Variants in RBMS3 observed in about 807,000 individuals in gnomAD.
RBMS3 encodes RNA-binding motif, single-stranded-interacting protein 3.
In RBMS3, 27 loss-of-function variants were observed where a neutral mutation model predicts 66.8. The ratio of observed to expected loss-of-function variants is 0.40; its 90% CI spans 0.30 to 0.56. RBMS3 has a LOEUF of 0.56. Ranked by LOEUF, RBMS3 falls within the 20% of genes least tolerant of loss-of-function variation. The pLI is 0.40. For synonymous variants in RBMS3, 188 were observed against 183.0 expected (o/e 1.03, Z -0.22); for missense variants, 513 against 549.5 (o/e 0.93, Z 0.66).
chr3:29,427,354 G>A (rs1332049133), intron 1 of RBMS3, among the ~76,000 whole-genome samples: 2 of 152,160 alleles, frequency 1.3e-5, no homozygotes, highest in Non-Finnish European at 2.9e-5. Flanking sequence ...AGCTGCATTT[G>A]TTATTACTTG....
At chr3:29,647,605 T>C (rs1010267503) in intron 4 of RBMS3, among the ~76,000 whole-genome samples, 2 of 152,128 alleles carry the variant, frequency 1.3e-5, no homozygotes, top group Non-Finnish European at 2.9e-5. Context: ...TCTTAAGGCT[T>C]AGGATTTTCA....
At chr3:29,864,586 C>T (rs76965508) in intron 6 of RBMS3, among the ~76,000 whole-genome samples, 2,939 of 152,176 alleles carry the variant, frequency 0.019, 84 homozygotes, top group African/African-American at 0.068. Context: ...AAAGCTTAAA[C>T]GTTCCAAACT....
intron 6 of RBMS3, among the ~76,000 whole-genome samples, chr3:29,818,755 T>C (rs1279575990): frequency 6.6e-6 from 1 of 152,128 alleles, no homozygotes; most frequent in Non-Finnish European, 1.5e-5. Flanking sequence ...CAGTATGCCT[T>C]TTATTTACTT....
intron 1 of RBMS3, among the ~76,000 whole-genome samples, chr3:29,304,380 G>C (rs1441419801): frequency 6.6e-6 from 1 of 152,014 alleles, no homozygotes; most frequent in South Asian, 2.1e-4. Context: ...AAAACTCTGA[G>C]CAAAGATAGA....
intron 5 of RBMS3, among the ~76,000 whole-genome samples, chr3:29,757,149 T>A (rs2055454518): frequency 6.6e-6 from 1 of 152,162 alleles, no homozygotes; most frequent in African/African-American, 2.4e-5. Flanking sequence ...GCTACCTGAG[T>A]GACCTCATTA....
chr3:29,838,596 T>G (rs967407832), intron 6 of RBMS3, among the ~76,000 whole-genome samples: 1 of 152,176 alleles, frequency 6.6e-6, no homozygotes, highest in Non-Finnish European at 1.5e-5. Context: ...TTTGATTTAT[T>G]TTATGCCATA....
chr3:29,898,031 G>A (rs1342560383), intron 9 of RBMS3, among the ~76,000 whole-genome samples: 1 of 151,558 alleles, frequency 6.6e-6, no homozygotes, highest in Non-Finnish European at 1.5e-5. Context: ...GACCTCAGGG[G>A]TTCCGCATGT....
At chr3:29,475,714 A>T (rs1357259241) in intron 2 of RBMS3, among the ~76,000 whole-genome samples, 1 of 152,174 alleles carries the variant, frequency 6.6e-6, no homozygotes, top group African/African-American at 2.4e-5. Context: ...GGATTATGGG[A>T]TGTGATAGGT....
intron 3 of RBMS3, among the ~76,000 whole-genome samples, chr3:29,540,534 GTTT>G (rs1299389469): frequency 6.6e-6 from 1 of 152,062 alleles, no homozygotes; most frequent in Non-Finnish European, 1.5e-5. Flanking sequence ...AACATATATT[GTTT>G]TTCTGATCTG....
At chr3:29,552,613 G>A (rs2046214320) in intron 3 of RBMS3, among the ~76,000 whole-genome samples, 1 of 152,002 alleles carries the variant, frequency 6.6e-6, no homozygotes, top group African/African-American at 2.4e-5. Flanking sequence ...TTATTCCGAT[G>A]GTTTCTCATT....
chr3:29,890,722 A>T (rs4524239), intron 8 of RBMS3, among the ~76,000 whole-genome samples: 51,768 of 151,388 alleles, frequency 0.34, 9,822 homozygotes, highest in African/African-American at 0.52. Context: ...GTACTATAAG[A>T]TATATGTATA....
At chr3:29,731,154 GGGC>G in intron 4 of RBMS3, 1 of 470,066 alleles carries the variant, frequency 2.1e-6, no homozygotes, top group Non-Finnish European at 2.8e-6. Flanking sequence ...GTTCAACACT[GGGC>G]ATTGTTTCAC....
intron 4 of RBMS3, among the ~76,000 whole-genome samples, chr3:29,675,133 C>G (rs2051186537): frequency 1.3e-5 from 2 of 152,138 alleles, no homozygotes; most frequent in African/African-American, 2.4e-5. Flanking sequence ...ACATCTACAA[C>G]CATCTGATCT....
chr3:29,924,310 G>C (rs1407595782), intron 10 of RBMS3, among the ~76,000 whole-genome samples: 1 of 152,146 alleles, frequency 6.6e-6, no homozygotes, highest in Non-Finnish European at 1.5e-5. Flanking sequence ...CTTTTGATTA[G>C]CAGAAGTCAC....
At chr3:29,304,010 C>G (rs902539162) in intron 1 of RBMS3, among the ~76,000 whole-genome samples, 3 of 151,876 alleles carry the variant, frequency 2.0e-5, no homozygotes, top group Admixed American at 2.0e-4. Context: ...GGGGAAACTG[C>G]CCCCATGATT....
At chr3:29,683,591 GAC>G (rs575989752) in intron 4 of RBMS3, among the ~76,000 whole-genome samples, 2 of 151,636 alleles carry the variant, frequency 1.3e-5, no homozygotes, top group African/African-American at 2.4e-5. Context: ...TAGGGACACA[GAC>G]ACACACACAC....
At chr3:29,812,708 C>A (rs1004951163) in intron 6 of RBMS3, among the ~76,000 whole-genome samples, 2 of 152,034 alleles carry the variant, frequency 1.3e-5, no homozygotes, top group African/African-American at 4.8e-5. Flanking sequence ...AGTTTTATTG[C>A]CAAAAGTGAG....
At chr3:29,519,831 A>G (rs1288299460) in intron 3 of RBMS3, among the ~76,000 whole-genome samples, 1 of 152,200 alleles carries the variant, frequency 6.6e-6, no homozygotes, top group Non-Finnish European at 1.5e-5. Context: ...TTTTTACACC[A>G]CATAATAACT....
intron 1 of RBMS3, among the ~76,000 whole-genome samples, chr3:29,380,756 C>T (rs1166562358): frequency 6.6e-6 from 1 of 152,150 alleles, no homozygotes; most frequent in African/African-American, 2.4e-5. Flanking sequence ...TTATTTGTCA[C>T]TAGTCTATGA....
Sources: allele counts gnomAD v4.1 joint callset (sites outside exome capture counted in the v4.1 genomes callset), GRCh38; gene constraint gnomAD v4.1.1; transcripts MANE v1.5; gene names NCBI Gene and HGNC (gene_info 2026-07-23, HGNC 2026-07-21).